The following CUL1 variants were observed in gnomAD, a reference collection of about 807,000 sequenced individuals.
CUL1 encodes the protein cullin 1.
CUL1 carries 24 observed loss-of-function variants against 118.0 expected under a neutral mutation model. The observed-to-expected ratio is 0.20, with a 90% CI of 0.15 to 0.29. The LOEUF (loss-of-function observed/expected upper bound fraction) is 0.29. CUL1 is among the 10% of genes least tolerant of loss of function. CUL1 has a pLI of 1.00. For missense variants in CUL1, 361 were observed against 933.8 expected, an observed-to-expected ratio of 0.39 and a Z score of 7.99; for synonymous variants, 332 against 340.4, an observed-to-expected ratio of 0.98 and a Z score of 0.27.
intron 2 of CUL1, among the ~76,000 whole-genome samples, chr7:148,752,656 A>G (rs1344667689): frequency 6.6e-6 from 1 of 151,922 alleles, no homozygotes; most frequent in Non-Finnish European, 1.5e-5. Context: ...GAATTTATTT[A>G]TTTATTTTTT....
At chr7:148,716,187 G>A (rs1404570532) in intron 1 of CUL1, among the ~76,000 whole-genome samples, 1 of 152,032 alleles carries the variant, frequency 6.6e-6, no homozygotes, top group Non-Finnish European at 1.5e-5. Flanking sequence ...CATAAAAAAT[G>A]TCAAAAGTGT....
chr7:148,716,840 AT>A (rs1348147307), intron 1 of CUL1, among the ~76,000 whole-genome samples: 1 of 152,118 alleles, frequency 6.6e-6, no homozygotes, highest in Non-Finnish European at 1.5e-5. Flanking sequence ...TTTGGGGCTG[AT>A]TTCAAGTCTT....
chr7:148,715,969 A>G (rs548010191), intron 1 of CUL1, among the ~76,000 whole-genome samples: 2 of 152,338 alleles, frequency 1.3e-5, no homozygotes, highest in South Asian at 4.1e-4. Context: ...AGAATTTCAT[A>G]TAAATACACT....
intron 10 of CUL1, 32 bp downstream of exon 10, chr7:148,783,922 G>C (rs765320161): frequency 1.2e-6 from 2 of 1,613,466 alleles, no homozygotes; most frequent in Non-Finnish European, 1.7e-6. Context: ...CTTGCCTGTA[G>C]TATGTATGGA....
At chr7:148,792,857 GT>G in intron 17 of CUL1, 39 bp downstream of exon 17, 1 of 1,440,160 alleles carries the variant, frequency 6.9e-7, no homozygotes, top group Non-Finnish European at 9.7e-7. Context: ...TCAGCTTGCC[GT>G]TTCCTTGTTC....
At chr7:148,772,244 G>A (rs569741182) in intron 9 of CUL1, among the ~76,000 whole-genome samples, 1 of 152,074 alleles carries the variant, frequency 6.6e-6, no homozygotes, top group South Asian at 2.1e-4. Context: ...GCGAAACCCC[G>A]TCTCTACTAA....
intron 9 of CUL1, among the ~76,000 whole-genome samples, chr7:148,768,970 C>T (rs112930690): frequency 1.3e-5 from 2 of 151,996 alleles, no homozygotes; most frequent in African/African-American, 4.8e-5. Flanking sequence ...AGGGAACTGG[C>T]TCAGCCGTGG....
intron 9 of CUL1, chr7:148,783,449 T>C: frequency 1.0e-6 from 1 of 985,456 alleles, no homozygotes; most frequent in Non-Finnish European, 1.2e-6. Flanking sequence ...AGTTCCACTG[T>C]TTAACAAGGA....
intron 7 of CUL1, among the ~76,000 whole-genome samples, chr7:148,763,654 G>T (rs1799909766): frequency 6.6e-6 from 1 of 152,126 alleles, no homozygotes. Context: ...GCTTAGATTG[G>T]TGTGTGGCAA....
In CUL1 at chr7:148,751,614, G is replaced by A. The variant is rs373000481; in HGVS notation, c.141-2362G>A. On this transcript the variant is annotated intron_variant, in intron 2 of 21. Transcript: ENST00000325222. Reference sequence around the variant, plus strand: ...GCTCCAAGAAACTTGTACTCAAGGAGACCTGCTAGTTTTATTCTTTGCAGC... The same window carrying A: ...GCTCCAAGAAACTTGTACTCAAGGAAACCTGCTAGTTTTATTCTTTGCAGC... Among the ~76,000 whole-genome samples, 14 of 150,084 alleles carry A rather than the reference G, an allele frequency of 9.3e-5. 1 individual carries two copies. The South Asian group carries it at 2.7e-3, about 29-fold the overall frequency.
At chr7:148,699,494 A>T (rs957875897) in intron 1 of CUL1, among the ~76,000 whole-genome samples, 11 of 151,852 alleles carry the variant, frequency 7.2e-5, no homozygotes, top group African/African-American at 2.7e-4. Flanking sequence ...CCTCGCGCCC[A>T]CGCTTCTTCC....
At chr7:148,765,189 G>A (rs1236889064) in intron 7 of CUL1, among the ~76,000 whole-genome samples, 6 of 152,132 alleles carry the variant, frequency 3.9e-5, no homozygotes, top group South Asian at 2.1e-4. Context: ...TCTGACTTAC[G>A]TGGTTTAAAC....
rs534900825 is a variant in CUL1, at chr7:148,800,327, G to C, written c.2251-175G>C. On this transcript the variant is annotated intron_variant, in intron 21 of 21. Coordinates refer to ENST00000325222, the MANE Select transcript of CUL1 (RefSeq NM_003592.3). The surrounding 1 kb of genome is among the most constrained non-coding windows in gnomAD (Gnocchi z 4.6). ...GTGTCAGGGAGCTCCGTGCATGAAG[G>C]CTTAGCTGCCAGGAAGTAAAACTCT... Among the ~76,000 whole-genome samples, 42 of 152,302 alleles carry C rather than the reference G, an allele frequency of 2.8e-4. No homozygotes were observed. The highest frequency in any genetic ancestry group is 1.9e-3 in the South Asian group (9 of 4,816).
At chr7:148,718,416 A>G (rs1013903325) in intron 1 of CUL1, among the ~76,000 whole-genome samples, 1 of 152,086 alleles carries the variant, frequency 6.6e-6, no homozygotes, top group African/African-American at 2.4e-5. Flanking sequence ...GCAGCTACTA[A>G]CCTGCTTTGT....
At position 148,788,313 on chromosome 7, in the gene CUL1, A is replaced by G. The variant is rs566548688; in HGVS notation, c.1480-244A>G. ...GACACCTTGCTCTTAAATGCTCACAAATTGTGTATGAATTGTGTGTGTGAA... is the reference window on the plus strand; with the variant it reads ...GACACCTTGCTCTTAAATGCTCACAGATTGTGTATGAATTGTGTGTGTGAA... On this transcript the variant is annotated intron_variant, in intron 13 of 21. Coordinates refer to ENST00000325222, the MANE Select transcript of CUL1 (RefSeq NM_003592.3). Among the ~76,000 whole-genome samples the G allele has an allele frequency of 7.2e-5, 11 of 152,314 alleles. No homozygotes were observed. The East Asian group carries it at 2.1e-3, about 29-fold the overall frequency.
At chr7:148,699,239 C>T (rs907397113) in intron 1 of CUL1, among the ~76,000 whole-genome samples, 1 of 151,910 alleles carries the variant, frequency 6.6e-6, no homozygotes, top group African/African-American at 2.4e-5. Context: ...GGCAGAGGAG[C>T]GAGCGGGGCC....
chr7:148,721,029 A>G (rs1798380471), intron 1 of CUL1, among the ~76,000 whole-genome samples: 1 of 152,226 alleles, frequency 6.6e-6, no homozygotes, highest in Admixed American at 6.5e-5. Flanking sequence ...CAGGCATTCC[A>G]TTCATTTAAA....
intron 17 of CUL1, among the ~76,000 whole-genome samples, chr7:148,794,173 A>G (rs1047096361): frequency 4.6e-5 from 7 of 151,754 alleles, no homozygotes; most frequent in African/African-American, 1.7e-4. Context: ...TAATTTACAA[A>G]TGTTTTTTCC....
intron 1 of CUL1, among the ~76,000 whole-genome samples, chr7:148,720,588 T>C (rs1240952122): frequency 6.6e-6 from 1 of 152,018 alleles, no homozygotes; most frequent in Non-Finnish European, 1.5e-5. Flanking sequence ...GATTAGATAT[T>C]TGGGCAGTTA....
Sources: gnomAD v4.1 joint callset for allele counts (sites outside exome capture counted in the v4.1 genomes callset) on GRCh38, gnomAD v4.1.1 for gene constraint, Gnocchi (gnomAD v3.1) non-coding constraint, MANE v1.5 for transcripts, NCBI Gene and HGNC (gene_info 2026-07-23, HGNC 2026-07-21) for gene names.